The following QTMAN variants were observed in gnomAD, a reference collection of about 807,000 sequenced individuals.
QTMAN encodes the protein queuosine-tRNA mannosyltransferase.
the QTMAN span, among the ~76,000 whole-genome samples, chr2:144,235,233 A>C: frequency 6.6e-6 from 1 of 152,144 alleles, no homozygotes; most frequent in Non-Finnish European, 1.5e-5. Flanking sequence ...AAGGTGTAGA[A>C]GAAGCCAGGC....
At chr2:144,131,213 A>C in the QTMAN span, among the ~76,000 whole-genome samples, 1 of 151,906 alleles carries the variant, frequency 6.6e-6, no homozygotes, top group East Asian at 1.9e-4. Flanking sequence ...TCTCTGACTC[A>C]ATATATACAA....
At chr2:144,053,527 G>C in the QTMAN span, among the ~76,000 whole-genome samples, 2 of 152,170 alleles carry the variant, frequency 1.3e-5, no homozygotes, top group African/African-American at 2.4e-5. Context: ...TAGAAACTTA[G>C]TAACAGTACC....
chr2:144,005,575 T>C, the QTMAN span, among the ~76,000 whole-genome samples: 11 of 152,124 alleles, frequency 7.2e-5, no homozygotes, highest in Non-Finnish European at 1.6e-4. Context: ...TGTGTTACTT[T>C]TATATTTTGG....
the QTMAN span, chr2:144,179,039 T>C: frequency 7.3e-5 from 33 of 452,080 alleles, no homozygotes; most frequent in Admixed American, 2.3e-4. Flanking sequence ...ACGGCTAGCA[T>C]TTTGAGTATG....
At chr2:144,284,479 T>C in the QTMAN span, among the ~76,000 whole-genome samples, 1 of 151,792 alleles carries the variant, frequency 6.6e-6, no homozygotes, top group Non-Finnish European at 1.5e-5. Context: ...GCTATAATAT[T>C]AAAAAAAACT....
At chr2:144,320,837 A>G in the QTMAN span, among the ~76,000 whole-genome samples, 1 of 152,158 alleles carries the variant, frequency 6.6e-6, no homozygotes, top group African/African-American at 2.4e-5. Context: ...AACAGTCTGC[A>G]TATTCCAACA....
chr2:144,240,048 C>T, the QTMAN span, among the ~76,000 whole-genome samples: 2 of 152,106 alleles, frequency 1.3e-5, no homozygotes, highest in Non-Finnish European at 2.9e-5. Context: ...AAAGAAACAG[C>T]AATTGACTTC....
the QTMAN span, chr2:143,944,097 G>A: frequency 6.6e-6 from 1 of 152,192 alleles, no homozygotes; most frequent in African/African-American, 2.4e-5. Flanking sequence ...AATGATGGGG[G>A]TGGTTGATAA....
chr2:144,150,530 T>A, the QTMAN span, among the ~76,000 whole-genome samples: 1 of 152,116 alleles, frequency 6.6e-6, no homozygotes, highest in African/African-American at 2.4e-5. Flanking sequence ...ACTAGCCATA[T>A]GTGGTTAGTG....
chr2:144,251,124 C>A, the QTMAN span, among the ~76,000 whole-genome samples: 1 of 152,062 alleles, frequency 6.6e-6, no homozygotes, highest in South Asian at 2.1e-4. Context: ...TCTTTATTTC[C>A]ATTGTGACAC....
At chr2:144,240,380 A>C in the QTMAN span, among the ~76,000 whole-genome samples, 1 of 152,196 alleles carries the variant, frequency 6.6e-6, no homozygotes, top group African/African-American at 2.4e-5. Flanking sequence ...TGAATCCTAT[A>C]AAGAAAAAAT....
chr2:144,143,460 T>A, the QTMAN span, among the ~76,000 whole-genome samples: 2 of 151,992 alleles, frequency 1.3e-5, no homozygotes, highest in African/African-American at 4.8e-5. Context: ...ACTATTACAA[T>A]GTTAATATCT....
chr2:143,949,995 A>T, the QTMAN span, among the ~76,000 whole-genome samples: 1 of 151,848 alleles, frequency 6.6e-6, no homozygotes, highest in Middle Eastern at 3.4e-3. Flanking sequence ...TAATTTATTA[A>T]TTTTTGAAAT....
the QTMAN span, chr2:143,943,660 T>C: frequency 6.6e-6 from 1 of 152,210 alleles, no homozygotes; most frequent in Non-Finnish European, 1.5e-5. Flanking sequence ...TTTCAAGGTG[T>C]TGAAATTAAT....
chr2:144,243,124 T>G, the QTMAN span, among the ~76,000 whole-genome samples: 1 of 152,142 alleles, frequency 6.6e-6, no homozygotes, highest in Non-Finnish European at 1.5e-5. Flanking sequence ...GCTTTAAATA[T>G]TCACATCACT....
chr2:144,022,915 T>G, the QTMAN span, among the ~76,000 whole-genome samples: 184 of 151,422 alleles, frequency 1.2e-3, no homozygotes, highest in South Asian at 4.6e-3. Flanking sequence ...ACTGAGTTAA[T>G]TTTGATAAAT....
chr2:143,990,694 T>A, the QTMAN span, among the ~76,000 whole-genome samples: 1 of 152,112 alleles, frequency 6.6e-6, no homozygotes, highest in Non-Finnish European at 1.5e-5. Context: ...CAGGCAGGTC[T>A]CAAAGAATTT....
the QTMAN span, among the ~76,000 whole-genome samples, chr2:144,274,281 C>T: frequency 2.3e-4 from 35 of 152,308 alleles, no homozygotes; most frequent in East Asian, 5.6e-3. Context: ...GCTCCTAAGA[C>T]GTTTGTAATT....
the QTMAN span, among the ~76,000 whole-genome samples, chr2:144,106,775 C>T: frequency 6.6e-6 from 1 of 152,220 alleles, no homozygotes; most frequent in Non-Finnish European, 1.5e-5. Flanking sequence ...ATCTACAGAA[C>T]TCTCCACCCC....
Sources: allele counts gnomAD v4.1 joint callset (sites outside exome capture counted in the v4.1 genomes callset), GRCh38; gene constraint gnomAD v4.1.1; transcripts MANE v1.5; gene names NCBI Gene and HGNC (gene_info 2026-07-23, HGNC 2026-07-21).